Variants in ARHGEF7 observed in about 807,000 individuals in gnomAD.
The protein encoded by ARHGEF7 is Rho guanine nucleotide exchange factor 7, also known as PAK-interacting exchange factor beta.
Under a neutral mutation model 109.8 loss-of-function variants are expected in ARHGEF7, and 33 were observed. The ratio of observed to expected loss-of-function variants is 0.30; its 90% confidence interval spans 0.23 to 0.40. The LOEUF (loss-of-function observed/expected upper bound fraction) is 0.40, where lower values mean the gene tolerates loss of function less well. Ranked by LOEUF, ARHGEF7 falls within the 10% of genes least tolerant of loss-of-function variation. The pLI, the probability that ARHGEF7 is intolerant of heterozygous loss-of-function variation, is 1.00. For missense variants in ARHGEF7, 938 were observed against 1,098.5 expected, an observed-to-expected ratio of 0.85 and a Z score of 2.07; for synonymous variants, 458 against 424.6, an observed-to-expected ratio of 1.08 and a Z score of -0.97.
chr13:111,276,204 T>C (rs1162939644), intron 12 of ARHGEF7, among the ~76,000 whole-genome samples: 1 of 152,236 alleles, frequency 6.6e-6, no homozygotes, highest in East Asian at 1.9e-4. Flanking sequence ...TCGAGCAGTT[T>C]GTTTCATGAT....
At chr13:111,302,860 A>C in intron 21 of ARHGEF7, 131 bp from the exon 22 acceptor site, 1 of 1,186,952 alleles carries the variant, frequency 8.4e-7, no homozygotes, top group Non-Finnish European at 1.2e-6. Context: ...CCACGACCTC[A>C]GAGCCCATAG....
chr13:111,204,169 G>T (rs140487855), intron 2 of ARHGEF7, among the ~76,000 whole-genome samples: 1 of 152,156 alleles, frequency 6.6e-6, no homozygotes, highest in Non-Finnish European at 1.5e-5. Context: ...GGAAGGGACC[G>T]AAGGCAGGAA....
Position 111,273,037 on chromosome 13 carries a change from T to C in ARHGEF7, c.1074-777T>C, listed in dbSNP as rs3825462. ...GATGGTTGAAGAGGAATACAGAAAG[T>C]TCTAAAACTTGTTTCTGACTCTTTA... is the stretch of plus-strand genomic sequence containing the variant. On this transcript the variant is annotated intron_variant, in intron 9 of 21. Coordinates refer to ENST00000646102, the MANE Select transcript of ARHGEF7 (RefSeq NM_001354046.2). This position sits in a 1 kb window ranked among gnomAD's most constrained non-coding sequence, Gnocchi z 4.5. 0.036 allele frequency among the ~76,000 whole-genome samples: 5,509 copies of C among 152,128 alleles called. 265 individuals carry two copies. The highest frequency in any genetic ancestry group is 0.14 in the Admixed American group (2,071 of 15,292).
At chr13:111,263,361 G>A (rs944412888) in intron 8 of ARHGEF7, among the ~76,000 whole-genome samples, 1 of 152,174 alleles carries the variant, frequency 6.6e-6, no homozygotes, top group Non-Finnish European at 1.5e-5. Context: ...AAAACCACTC[G>A]TACCGTGAAT....
Position 111,137,227 on chromosome 13 carries a change from C to A in ARHGEF7, c.166-16678C>A, listed in dbSNP as rs183220652. On this transcript the variant is annotated intron_variant, in intron 1 of 21. Transcript: ENST00000646102. ...TCCAATCAATGGAAAAGAGAGAATC[C>A]TCCCTAACTCATTGTATGAGGAGAA... is the stretch of plus-strand genomic sequence containing the variant. Among the ~76,000 whole-genome samples, 8 of 152,348 alleles carry A rather than the reference C, an allele frequency of 5.3e-5. No homozygotes were observed. In the East Asian group the frequency reaches 1.5e-3, roughly 29 times the overall value.
chr13:111,195,989 T>G (rs1192626148), intron 2 of ARHGEF7, among the ~76,000 whole-genome samples: 1 of 152,210 alleles, frequency 6.6e-6, no homozygotes, highest in East Asian at 1.9e-4. Flanking sequence ...GGCCCAGGGC[T>G]TGCTTTTGGA....
At chr13:111,210,173 A>G (rs113003184) in intron 4 of ARHGEF7, among the ~76,000 whole-genome samples, 171 bp downstream of exon 4, 8 of 152,334 alleles carry the variant, frequency 5.3e-5, no homozygotes, top group African/African-American at 1.7e-4. Context: ...TCATTACCAG[A>G]TGATCCAGAT....
intron 18 of ARHGEF7, 46 bp from the exon 19 acceptor site, chr13:111,292,072 C>T: frequency 6.4e-7 from 1 of 1,554,662 alleles, no homozygotes; most frequent in Non-Finnish European, 8.8e-7. Flanking sequence ...CGTTCTCCTC[C>T]TCACCCCCTG....
intron 5 of ARHGEF7, among the ~76,000 whole-genome samples, chr13:111,225,272 T>G (rs2085040483): frequency 6.6e-6 from 1 of 152,188 alleles, no homozygotes; most frequent in Non-Finnish European, 1.5e-5. Flanking sequence ...GCATTTATGC[T>G]TAAGTAATTG....
intron 2 of ARHGEF7, among the ~76,000 whole-genome samples, chr13:111,187,941 C>G (rs552205684): frequency 2.0e-5 from 3 of 152,202 alleles, no homozygotes; most frequent in Non-Finnish European, 4.4e-5. Context: ...AATGTCTTCC[C>G]GTTTTTGGAT....
rs760593316 is a variant in ARHGEF7 at position 111,153,980 on chromosome 13, C to G, written c.241C>G (p.Leu81Val). Reference sequence around the variant, plus strand: ...GTTCCTGCGCGGCTGCGGGGCTTCCCTGCGGCTGGAGGTGAGCGCGGGCGG... The same window carrying G: ...GTTCCTGCGCGGCTGCGGGGCTTCCGTGCGGCTGGAGGTGAGCGCGGGCGG... ...REFLRGCGASLRLETFDANDL... is the reference protein window; with the variant it reads ...REFLRGCGASVRLETFDANDL... Residue 81 changes from leucine (L) to valine (V), a missense_variant, in exon 2 of 22, where the codon CTG becomes GTG. Transcript: ENST00000646102. 1.2e-6 allele frequency: 2 copies of G among 1,602,196 alleles called. No individual in the cohort carries two copies. The highest frequency in any genetic ancestry group is 1.1e-5 in the South Asian group (1 of 90,138).
chr13:111,184,655 C>T (rs147379965), intron 2 of ARHGEF7, among the ~76,000 whole-genome samples: 8 of 152,332 alleles, frequency 5.3e-5, no homozygotes, highest in Admixed American at 2.6e-4. Context: ...TGTGTCTTCT[C>T]CATCTTTTTG....
chr13:111,217,819 C>A lies in ARHGEF7; in HGVS notation c.609C>A (p.Gly203=). 1 of 1,614,196 alleles carries A rather than the reference C, an allele frequency of 6.2e-7. No homozygotes were observed. Among genetic ancestry groups the A allele is most frequent in the African/African-American group, 1.3e-5 (1 of 75,070 alleles). The part of the protein sequence containing the change: ...TRVEEGGWWE[G]TLNGRTGWFP... ...TGGAAGAGGGAGGCTGGTGGGAGGG[C>A]ACACTCAACGGCCGGACCGGCTGGT... is the stretch of plus-strand genomic sequence containing the variant. The change falls in exon 5 of 22, where the codon GGC becomes GGA. Residue 203 remains glycine (G), a synonymous_variant. Transcript: ENST00000646102.
At chr13:111,167,612 A>G (rs73633272) in intron 2 of ARHGEF7, among the ~76,000 whole-genome samples, 1,805 of 152,294 alleles carry the variant, frequency 0.012, 36 homozygotes, top group African/African-American at 0.042. Flanking sequence ...GTTTTAGCCA[A>G]TGTTTTTTCT....
chr13:111,163,042 G>A (rs1051682128), intron 2 of ARHGEF7, among the ~76,000 whole-genome samples: 4 of 152,172 alleles, frequency 2.6e-5, no homozygotes, highest in African/African-American at 9.7e-5. Flanking sequence ...CTTTTTAGCT[G>A]GGCACCCTTC....
rs2076043230 is a variant in ARHGEF7, at chr13:111,153,677, C to G, written c.166-228C>G. 10 of 1,243,666 alleles carry G rather than the reference C, an allele frequency of 8.0e-6. No homozygotes were observed. In the South Asian group the frequency reaches 2.6e-4, roughly 32 times the overall value. 77.0% of individuals were successfully genotyped at this position (1,243,666 alleles called of 1,614,324 possible). ...CGGCGCCGGGGCTCACTTCCTGGTG[C>G]GGGAAGGGGCAGAGATTGGTGCAGC... On this transcript the variant is annotated intron_variant, in intron 1 of 21. Coordinates refer to ENST00000646102, the MANE Select transcript of ARHGEF7 (RefSeq NM_001354046.2).
At chr13:111,205,011 C>CGCCCT (rs2081628832) in intron 2 of ARHGEF7, among the ~76,000 whole-genome samples, 1 of 152,204 alleles carries the variant, frequency 6.6e-6, no homozygotes. Flanking sequence ...CACCCCGCCC[C>CGCCCT]GCCCCCGTGA....
chr13:111,295,131 GTGTT>G (rs1351846829), intron 19 of ARHGEF7: 1 of 984,110 alleles, frequency 1.0e-6, no homozygotes, highest in South Asian at 4.7e-5. Context: ...TGGCAATGAA[GTGTT>G]TGTTTTATAT....
At chr13:111,221,500 T>TATAGAGATATATAGAC (rs1555372674) in intron 5 of ARHGEF7, among the ~76,000 whole-genome samples, 1 of 81,828 alleles carries the variant, frequency 1.2e-5, no homozygotes, top group Non-Finnish European at 2.4e-5. Flanking sequence ...GACATATATA[T>TATAGAGATATATAGAC]ATCTATATAT....
Sources: allele counts gnomAD v4.1 joint callset (sites outside exome capture counted in the v4.1 genomes callset), GRCh38; gene constraint gnomAD v4.1.1; non-coding constraint Gnocchi (gnomAD v3.1); transcripts MANE v1.5; gene names NCBI Gene and HGNC (gene_info 2026-07-23, HGNC 2026-07-21).